The following MSRA variants were observed in gnomAD, a reference collection of about 807,000 sequenced individuals.
MSRA encodes the protein methionine sulfoxide reductase A.
Under a neutral mutation model 31.3 loss-of-function variants are expected in MSRA, and 54 were observed. That is an observed-to-expected ratio of 1.73 (90% confidence interval 1.39 to 2.17). MSRA has a LOEUF of 2.17. MSRA is among the 30% of genes most tolerant of loss of function. The pLI, the probability that MSRA is intolerant of heterozygous loss-of-function variation, is 0.00. For missense variants in MSRA, 507 were observed against 300.9 expected (o/e 1.69, Z -5.07); for synonymous variants, 169 against 116.5 (o/e 1.45, Z -2.90).
intron 5 of MSRA, among the ~76,000 whole-genome samples, chr8:10,335,005 T>C (rs1317716091): frequency 1.4e-5 from 2 of 143,988 alleles, no homozygotes; most frequent in Non-Finnish European, 3.2e-5. Flanking sequence ...AAGGCTCTCG[T>C]GTCCTTAGGT....
intron 2 of MSRA, among the ~76,000 whole-genome samples, chr8:10,232,150 G>C (rs149997279): frequency 2.0e-5 from 3 of 152,280 alleles, no homozygotes; most frequent in East Asian, 1.9e-4. Flanking sequence ...GCTGTGTTCT[G>C]AGTGAAGTCT....
intron 1 of MSRA, among the ~76,000 whole-genome samples, chr8:10,057,914 C>G (rs905324197): frequency 3.3e-5 from 5 of 152,198 alleles, no homozygotes; most frequent in African/African-American, 1.2e-4. Flanking sequence ...AACAGACTAA[C>G]ACAAAGGCCG....
intron 5 of MSRA, among the ~76,000 whole-genome samples, chr8:10,339,279 C>T (rs1430150581): frequency 6.6e-6 from 1 of 152,130 alleles, no homozygotes; most frequent in Non-Finnish European, 1.5e-5. Context: ...TGGAGACAGG[C>T]CCTTTCTGTA....
chr8:10,124,419 C>G (rs1288699385), intron 1 of MSRA, among the ~76,000 whole-genome samples: 3 of 152,160 alleles, frequency 2.0e-5, no homozygotes, highest in Non-Finnish European at 4.4e-5. Flanking sequence ...TCTGTAAGCA[C>G]AAAATTTGTG....
chr8:10,154,625 C>T (rs1803996500), intron 1 of MSRA, among the ~76,000 whole-genome samples: 1 of 152,158 alleles, frequency 6.6e-6, no homozygotes, highest in Non-Finnish European at 1.5e-5. Context: ...GATCCACCCA[C>T]CTCGGCCTCC....
At chr8:10,150,018 G>C (rs995471028) in intron 1 of MSRA, among the ~76,000 whole-genome samples, 1 of 149,190 alleles carries the variant, frequency 6.7e-6, no homozygotes, top group Non-Finnish European at 1.5e-5. Context: ...CTTACACTGG[G>C]ATTGCAGTTG....
intron 5 of MSRA, among the ~76,000 whole-genome samples, chr8:10,394,357 G>A (rs914379861): frequency 1.3e-5 from 2 of 152,206 alleles, no homozygotes; most frequent in African/African-American, 2.4e-5. Flanking sequence ...GCCATAAACA[G>A]AGTTCCCTAG....
At chr8:10,124,068 G>A (rs753438035) in intron 1 of MSRA, among the ~76,000 whole-genome samples, 13 of 151,986 alleles carry the variant, frequency 8.6e-5, no homozygotes, top group Non-Finnish European at 1.2e-4. Context: ...GGGGCTTCTG[G>A]TGTGGGTGGG....
At chr8:10,244,449 T>G (rs1473038575) in intron 2 of MSRA, among the ~76,000 whole-genome samples, 1 of 152,230 alleles carries the variant, frequency 6.6e-6, no homozygotes, top group Non-Finnish European at 1.5e-5. Context: ...GGAGTGCTAC[T>G]TTTGTGAGTT....
intron 1 of MSRA, among the ~76,000 whole-genome samples, chr8:10,130,951 C>T (rs1386195976): frequency 6.6e-6 from 1 of 152,126 alleles, no homozygotes; most frequent in Admixed American, 6.5e-5. Context: ...TTTAAGAATC[C>T]TCAGTGTGCT....
At chr8:10,147,257 A>G (rs1185930509) in intron 1 of MSRA, among the ~76,000 whole-genome samples, 1 of 152,148 alleles carries the variant, frequency 6.6e-6, no homozygotes, top group East Asian at 1.9e-4. Flanking sequence ...GTTGGATTCA[A>G]GGAACCGGCG....
chr8:10,114,822 A>G (rs1018277446), intron 1 of MSRA, among the ~76,000 whole-genome samples: 7 of 152,212 alleles, frequency 4.6e-5, no homozygotes, highest in Non-Finnish European at 1.0e-4. Context: ...AAAATCTCAT[A>G]TGTAAATGTA....
intron 1 of MSRA, among the ~76,000 whole-genome samples, chr8:10,129,656 C>G (rs1449405139): frequency 6.6e-6 from 1 of 152,120 alleles, no homozygotes; most frequent in Non-Finnish European, 1.5e-5. Flanking sequence ...GGTGGGAATG[C>G]TGTTCTTACA....
chr8:10,109,309 A>C (rs543553584), intron 1 of MSRA, among the ~76,000 whole-genome samples: 2 of 151,982 alleles, frequency 1.3e-5, no homozygotes. Flanking sequence ...TAAAGAGCAC[A>C]AATGCTTTCT....
In MSRA at chr8:10,301,650, A is replaced by G. The variant is rs368854693; in HGVS notation, c.436+12A>G. On this transcript the variant is annotated intron_variant, in intron 4 of 5. Transcript: ENST00000317173. The stretch of plus-strand genomic sequence containing the variant: ...CGACCCGACCCAAGGTAGAGTGATG[A>G]GTGAGCCAGTATTTAATTATCTTAC... 1.3e-6 allele frequency: 2 copies of G among 1,592,416 alleles called. No homozygotes were observed. The highest frequency in any genetic ancestry group is 1.7e-6 in the Non-Finnish European group (2 of 1,162,388).
At chr8:10,069,509 T>G (rs1797627985) in intron 1 of MSRA, among the ~76,000 whole-genome samples, 1 of 152,246 alleles carries the variant, frequency 6.6e-6, no homozygotes, top group African/African-American at 2.4e-5. Context: ...GGCAAGTCCA[T>G]GATCACCGTC....
At chr8:10,330,482 G>C (rs7837316) in intron 5 of MSRA, among the ~76,000 whole-genome samples, 1 of 151,728 alleles carries the variant, frequency 6.6e-6, no homozygotes, top group South Asian at 2.1e-4. Flanking sequence ...TTATTCTCCC[G>C]TCCCATGTTC....
chr8:10,099,073 T>A (rs1021709756), intron 1 of MSRA, among the ~76,000 whole-genome samples: 1 of 152,126 alleles, frequency 6.6e-6, no homozygotes, highest in Non-Finnish European at 1.5e-5. Context: ...GTTCACTTTC[T>A]ATATTCTAGT....
chr8:10,424,883 C>T (rs1809039945), intron 5 of MSRA, among the ~76,000 whole-genome samples: 1 of 152,200 alleles, frequency 6.6e-6, no homozygotes, highest in South Asian at 2.1e-4. Flanking sequence ...GTCACTTGTG[C>T]CGCACACAGC....
Sources: allele counts gnomAD v4.1 joint callset (sites outside exome capture counted in the v4.1 genomes callset), GRCh38; gene constraint gnomAD v4.1.1; transcripts MANE v1.5; gene names NCBI Gene and HGNC (gene_info 2026-07-23, HGNC 2026-07-21).